Variants in BOLL observed in about 807,000 individuals in gnomAD.
BOLL encodes protein boule-like.
A neutral mutation model predicts 44.4 loss-of-function variants in BOLL; 23 were observed. That is an observed-to-expected ratio of 0.52 (90% confidence interval 0.37 to 0.73). The LOEUF (loss-of-function observed/expected upper bound fraction) is 0.73, where lower values mean the gene tolerates loss of function less well. BOLL is among the 30% of genes least tolerant of loss of function. The probability of loss-of-function intolerance (pLI) is 0.00; values close to 1 mark genes in which losing one functional copy is unlikely to be tolerated. For missense variants in BOLL, 287 were observed against 338.3 expected (o/e 0.85, Z 1.19); for synonymous variants, 97 against 110.8 (o/e 0.88, Z 0.78).
At chr2:197,767,950 A>G (rs1003347485) in intron 6 of BOLL, among the ~76,000 whole-genome samples, 1 of 151,972 alleles carries the variant, frequency 6.6e-6, no homozygotes, top group African/African-American at 2.4e-5. Context: ...TAGCAGAGAC[A>G]TGGTCAGTGC....
At chr2:197,739,596 A>C (rs1032791405) in intron 10 of BOLL, among the ~76,000 whole-genome samples, 6 of 152,168 alleles carry the variant, frequency 3.9e-5, no homozygotes, top group African/African-American at 1.4e-4. Context: ...AAGTGCTGGG[A>C]TTGCAGGCAT....
At chr2:197,732,079 A>G (rs1687211973) in intron 10 of BOLL, among the ~76,000 whole-genome samples, 1 of 151,266 alleles carries the variant, frequency 6.6e-6, no homozygotes, top group Non-Finnish European at 1.5e-5. Flanking sequence ...TAATAAAGAA[A>G]AAAAGAGAGA....
At chr2:197,736,667 G>T (rs191230129) in intron 10 of BOLL, among the ~76,000 whole-genome samples, 1 of 152,170 alleles carries the variant, frequency 6.6e-6, no homozygotes, top group East Asian at 1.9e-4. Context: ...TGGGATGATG[G>T]GGGAGGATAA....
At chr2:197,759,443 T>C (rs950130017) in intron 7 of BOLL, among the ~76,000 whole-genome samples, 4 of 151,890 alleles carry the variant, frequency 2.6e-5, no homozygotes, top group Non-Finnish European at 1.5e-5. Flanking sequence ...GAGTACAAAG[T>C]GTGTACTCCC....
intron 4 of BOLL, among the ~76,000 whole-genome samples, chr2:197,776,371 G>A (rs1454745985): frequency 4.6e-5 from 7 of 151,896 alleles, no homozygotes; most frequent in Non-Finnish European, 8.8e-5. Context: ...TAATGAACCA[G>A]TAATCTGTTA....
chr2:197,772,333 TA>T (rs1395635841), intron 5 of BOLL, among the ~76,000 whole-genome samples: 1 of 152,004 alleles, frequency 6.6e-6, no homozygotes, highest in African/African-American at 2.4e-5. Context: ...AAATATAAAT[TA>T]TGTATAATTT....
At chr2:197,729,254 G>A (rs946266094) in intron 10 of BOLL, among the ~76,000 whole-genome samples, 1 of 152,166 alleles carries the variant, frequency 6.6e-6, no homozygotes, top group Non-Finnish European at 1.5e-5. Flanking sequence ...GCGCTTTTCC[G>A]ACGGGCTTAA....
chr2:197,784,996 T>C, intron 1 of BOLL, 60 bp downstream of exon 1: 3 of 985,938 alleles, frequency 3.0e-6, no homozygotes, highest in Non-Finnish European at 3.6e-6. Flanking sequence ...CCCTTGAGAA[T>C]CAACCTCGAG....
In BOLL at chr2:197,749,571, G is replaced by A. The variant is rs531961631; in HGVS notation, c.730-6412C>T. On this transcript the variant is annotated intron_variant, in intron 9 of 10. Coordinates refer to ENST00000392296, the MANE Select transcript of BOLL (RefSeq NM_033030.6). ...CTGATGGAACTGAAAAACACAGCAC[G>A]AGAACTTCGTGAAGCATACACAAGT... 1.2e-4 allele frequency among the ~76,000 whole-genome samples: 18 copies of A among 151,962 alleles called. 1 individual carries two copies. In the South Asian group the frequency reaches 2.7e-3, roughly 23 times the overall value.
rs1313386763 is a variant in BOLL, at chr2:197,775,750, A to G, written c.277-10T>C. 2.8e-6 allele frequency: 4 copies of G among 1,414,016 alleles called. No individual in the cohort carries two copies. The African/African-American group carries it at 4.4e-5, about 16-fold the overall frequency. 87.6% of individuals were successfully genotyped at this position (1,414,016 alleles called of 1,614,324 possible). On this transcript the variant is annotated splice_polypyrimidine_tract_variant and intron_variant, in intron 4 of 10. Coordinates refer to ENST00000392296, the MANE Select transcript of BOLL (RefSeq NM_033030.6). ...AATTAAGTTTTTCAGCCTAAAATAA[A>G]GAAAAAAGAAATTATTTTATTATTT...
In BOLL at chr2:197,728,457, C is replaced by T. The variant is rs1686950838; in HGVS notation, c.*98G>A. 7.6e-6 allele frequency: 12 copies of T among 1,578,896 alleles called. No individual in the cohort carries two copies. The highest frequency in any genetic ancestry group is 1.7e-5 in the Admixed American group (1 of 59,396). On this transcript the variant is annotated 3_prime_UTR_variant, in exon 11 of 11. Transcript: ENST00000392296. ...TATTAACTAACACTAAGTTTCACAA[C>T]GGGCAGCTTCTAGCTGGTTCGTTGA...
In BOLL at chr2:197,781,750, C is replaced by A. The variant is rs1265929699; in HGVS notation, c.101G>T (p.Arg34Leu). ...AAAATCAATTCCTCCTACAAAGATG[C>A]GATTAGGGATCACTGTTCCATATCT... is the stretch of plus-strand genomic sequence containing the variant. ...APRYGTVIPN[R>L]IFVGGIDFKT... is the part of the protein sequence containing the mutation. The change falls in exon 2 of 11, where the codon CGC (arginine) becomes CTC (leucine). Residue 34 changes from arginine to leucine, a missense_variant. Coordinates refer to ENST00000392296, the MANE Select transcript of BOLL (RefSeq NM_033030.6). 4.5e-6 allele frequency: 7 copies of A among 1,571,162 alleles called. No homozygotes were observed. In the South Asian group the frequency reaches 6.0e-5, roughly 14 times the overall value.
intron 6 of BOLL, among the ~76,000 whole-genome samples, chr2:197,767,881 A>G (rs1203710733): frequency 6.6e-6 from 1 of 151,970 alleles, no homozygotes; most frequent in Non-Finnish European, 1.5e-5. Context: ...ATGGTGAATC[A>G]CTGAAATTGC....
At chr2:197,745,675 A>G (rs1468720753) in intron 9 of BOLL, among the ~76,000 whole-genome samples, 1 of 152,236 alleles carries the variant, frequency 6.6e-6, no homozygotes, top group African/African-American at 2.4e-5. Flanking sequence ...GCCATCATCA[A>G]TTAAAGAAGA....
At chr2:197,734,943 T>C (rs1687412993) in intron 10 of BOLL, among the ~76,000 whole-genome samples, 1 of 151,930 alleles carries the variant, frequency 6.6e-6, no homozygotes, top group Non-Finnish European at 1.5e-5. Context: ...ATCCTAAAAC[T>C]TAAAGTATAA....
At chr2:197,765,496 G>T (rs1030436658) in intron 7 of BOLL, among the ~76,000 whole-genome samples, 16 of 151,538 alleles carry the variant, frequency 1.1e-4, no homozygotes, top group Non-Finnish European at 2.1e-4. Flanking sequence ...CCAACACAAA[G>T]AAATGATAAA....
chr2:197,779,779 CAT>C (rs1329830558), intron 2 of BOLL, among the ~76,000 whole-genome samples: 2 of 151,906 alleles, frequency 1.3e-5, no homozygotes, highest in Non-Finnish European at 2.9e-5. Context: ...ATAATAGACT[CAT>C]ATCACCTTTT....
chr2:197,736,122 A>C (rs1160111330), intron 10 of BOLL, among the ~76,000 whole-genome samples: 1 of 152,150 alleles, frequency 6.6e-6, no homozygotes, highest in Admixed American at 6.6e-5. Flanking sequence ...TCAAATTAAC[A>C]CTGCCAGTAA....
chr2:197,771,272 T>C (rs1689240800), intron 6 of BOLL, among the ~76,000 whole-genome samples: 1 of 145,628 alleles, frequency 6.9e-6, no homozygotes, highest in South Asian at 2.1e-4. Flanking sequence ...CCATATGGTC[T>C]CACTCATAGG....
Sources: gnomAD v4.1 joint callset for allele counts (sites outside exome capture counted in the v4.1 genomes callset) on GRCh38, gnomAD v4.1.1 for gene constraint, MANE v1.5 for transcripts, NCBI Gene and HGNC (gene_info 2026-07-23, HGNC 2026-07-21) for gene names.